SLC4A4: variants seen among roughly 807,000 people sequenced by gnomAD.
SLC4A4 encodes electrogenic sodium bicarbonate cotransporter 1.
Under a neutral mutation model 111.5 loss-of-function variants are expected in SLC4A4, and 27 were observed. The observed-to-expected ratio is 0.24, with a 90% CI of 0.18 to 0.33. The LOEUF (loss-of-function observed/expected upper bound fraction) is 0.33. Among genes scored for constraint, SLC4A4 ranks in the 10% least tolerant of loss-of-function variants. The probability of loss-of-function intolerance (pLI) is 1.00; values close to 1 mark genes in which losing one functional copy is unlikely to be tolerated. For missense variants in SLC4A4, 909 were observed against 1,315.5 expected (o/e 0.69, Z 4.78); for synonymous variants, 443 against 463.4 (o/e 0.96, Z 0.57).
In SLC4A4 at chr4:71,482,390, A is replaced by G. The variant is rs1342173655; in HGVS notation, c.1904-4558A>G. ...GCTTTAATAGCTTGTCTTAGGGGAA[A>G]AAAATTGAAATTCTAAAAGGAATTT... On this transcript the variant is annotated intron_variant, in intron 14 of 25. Transcript: ENST00000264485. Among the ~76,000 whole-genome samples, 5 of 151,718 alleles carry G rather than the reference A, an allele frequency of 3.3e-5. No individual in the cohort carries two copies. In the East Asian group the frequency reaches 9.8e-4, roughly 30 times the overall value.
At chr4:71,420,056 C>T (rs1391758015) in intron 7 of SLC4A4, among the ~76,000 whole-genome samples, 4 of 152,148 alleles carry the variant, frequency 2.6e-5, no homozygotes, top group Non-Finnish European at 4.4e-5. Flanking sequence ...GGAGGAAATT[C>T]AAACCAAAGG....
At chr4:71,255,613 A>G (rs995564482) in intron 3 of SLC4A4, among the ~76,000 whole-genome samples, 11 of 152,174 alleles carry the variant, frequency 7.2e-5, no homozygotes, top group Non-Finnish European at 1.3e-4. Flanking sequence ...TGATCAGAAA[A>G]GGCCTGACTA....
chr4:71,125,432 C>T (rs927304880), intron 2 of SLC4A4, among the ~76,000 whole-genome samples: 1 of 152,220 alleles, frequency 6.6e-6, no homozygotes, highest in Non-Finnish European at 1.5e-5. Flanking sequence ...AAAATTAGCT[C>T]GGCAGGGTGG....
chr4:71,531,982 A>G, intron 16 of SLC4A4, 80 bp from the exon 17 acceptor site: 1 of 818,420 alleles, frequency 1.2e-6, no homozygotes, highest in Non-Finnish European at 2.1e-6. Flanking sequence ...GCAAATACAA[A>G]GTTCTTCATT....
intron 2 of SLC4A4, among the ~76,000 whole-genome samples, chr4:71,142,004 A>G (rs1473159156): frequency 1.3e-5 from 2 of 152,228 alleles, no homozygotes; most frequent in African/African-American, 4.8e-5. Context: ...TATTATATCC[A>G]AAGCATTAGA....
intron 1 of SLC4A4, among the ~76,000 whole-genome samples, chr4:71,080,152 G>A (rs1405381240): frequency 6.6e-6 from 1 of 152,096 alleles, no homozygotes; most frequent in Non-Finnish European, 1.5e-5. Flanking sequence ...TACCTTGACA[G>A]CAGGAGTGCA....
At chr4:71,301,879 A>C (rs904812815) in intron 3 of SLC4A4, among the ~76,000 whole-genome samples, 1 of 152,220 alleles carries the variant, frequency 6.6e-6, no homozygotes, top group African/African-American at 2.4e-5. Context: ...GAGAAATGCC[A>C]GGTCCTTAAG....
intron 1 of SLC4A4, among the ~76,000 whole-genome samples, chr4:71,193,406 G>A (rs912984291): frequency 4.6e-5 from 7 of 152,132 alleles, no homozygotes; most frequent in Admixed American, 2.6e-4. Context: ...TGATCCGCCC[G>A]CCTTGGCCTC....
intron 1 of SLC4A4, among the ~76,000 whole-genome samples, chr4:71,072,542 AGCTTCCCAGCCTTATG>A (rs1053945462): frequency 3.3e-5 from 5 of 150,744 alleles, no homozygotes; most frequent in African/African-American, 1.2e-4. Flanking sequence ...TATTTTTTAG[AGCTTCCCAGCCTTATG>A]GCTTTTTTTT....
chr4:71,339,596 G>A (rs1299019046), intron 4 of SLC4A4, 91 bp downstream of exon 4: 7 of 1,302,040 alleles, frequency 5.4e-6, no homozygotes, highest in Non-Finnish European at 7.7e-6. Flanking sequence ...TTTAGCCTTA[G>A]CACTTTGAAT....
chr4:71,106,438 A>G (rs1433756319), intron 2 of SLC4A4, among the ~76,000 whole-genome samples: 2 of 148,644 alleles, frequency 1.3e-5, no homozygotes, highest in East Asian at 4.0e-4. Context: ...TACCCAAAGG[A>G]CTATAAATCA....
At chr4:71,323,065 A>T (rs980806879) in intron 3 of SLC4A4, among the ~76,000 whole-genome samples, 1 of 152,010 alleles carries the variant, frequency 6.6e-6, no homozygotes, top group Admixed American at 6.6e-5. Flanking sequence ...TTTGAGAAAG[A>T]TAATTGAGAT....
At position 71,090,394 on chromosome 4, in the gene SLC4A4, C is replaced by T. The variant is rs1742351897; in HGVS notation, c.-64-2336C>T. 2.0e-5 allele frequency among the ~76,000 whole-genome samples: 3 copies of T among 152,274 alleles called. No homozygotes were observed. The South Asian group carries it at 6.2e-4, about 32-fold the overall frequency. ...TTCGGCTCATGCTCGGTGCACTGCA[C>T]CCACTGTCCTGCACCCACTTTCTGA... is the stretch of plus-strand genomic sequence containing the variant. On this transcript the variant is annotated intron_variant, in intron 1 of 26. Coordinates refer to the SLC4A4 transcript ENST00000649996.
intron 7 of SLC4A4, among the ~76,000 whole-genome samples, chr4:71,418,088 A>T (rs1721981042): frequency 6.6e-6 from 1 of 152,238 alleles, no homozygotes; most frequent in Non-Finnish European, 1.5e-5. Context: ...GTGAGACATT[A>T]AGAAAATGTG....
rs551027617 is a variant in SLC4A4, at chr4:71,084,614, C to T, written c.-64-8116C>T. Reference sequence around the variant, plus strand: ...GTTCCCCTTCCTGTGTCCATGTGTTCTCATTGTTCAATTCCCACCTCTGAG... The same window carrying T: ...GTTCCCCTTCCTGTGTCCATGTGTTTTCATTGTTCAATTCCCACCTCTGAG... On this transcript the variant is annotated intron_variant, in intron 1 of 26. Coordinates refer to the SLC4A4 transcript ENST00000649996. Among the ~76,000 whole-genome samples, 8 of 151,968 alleles carry T rather than the reference C, an allele frequency of 5.3e-5. No individual in the cohort carries two copies. In the South Asian group the frequency reaches 1.7e-3, roughly 32 times the overall value.
chr4:71,222,623 G>A (rs541859891), intron 1 of SLC4A4, among the ~76,000 whole-genome samples: 16 of 152,324 alleles, frequency 1.1e-4, no homozygotes, highest in African/African-American at 3.8e-4. Flanking sequence ...TAGATCACAA[G>A]TGTACACTGA....
At chr4:71,081,260 A>C (rs1427943363) in intron 1 of SLC4A4, among the ~76,000 whole-genome samples, 1 of 151,970 alleles carries the variant, frequency 6.6e-6, no homozygotes, top group Non-Finnish European at 1.5e-5. Context: ...TCCTCTGTAT[A>C]TTTGTGGAAA....
At chr4:71,341,264 G>A (rs1186044059) in intron 4 of SLC4A4, among the ~76,000 whole-genome samples, 5 of 152,102 alleles carry the variant, frequency 3.3e-5, no homozygotes, top group African/African-American at 7.2e-5. Context: ...AAGGTTTGAA[G>A]TAAGTTTAAT....
intron 16 of SLC4A4, among the ~76,000 whole-genome samples, chr4:71,513,742 A>C (rs1732132194): frequency 6.6e-6 from 1 of 152,214 alleles, no homozygotes; most frequent in Non-Finnish European, 1.5e-5. Flanking sequence ...GTCCTCATTC[A>C]GTATGACATT....
Sources: gnomAD v4.1 joint callset for allele counts (sites outside exome capture counted in the v4.1 genomes callset) on GRCh38, gnomAD v4.1.1 for gene constraint, MANE v1.5 for transcripts, NCBI Gene and HGNC (gene_info 2026-07-23, HGNC 2026-07-21) for gene names.